OTUD7B: variants seen among roughly 807,000 people sequenced by gnomAD.
OTUD7B encodes the protein OTU domain-containing protein 7B.
Under a neutral mutation model 82.2 loss-of-function variants are expected in OTUD7B, and 34 were observed. That is an observed-to-expected ratio of 0.41 (90% CI 0.31 to 0.55). The LOEUF (loss-of-function observed/expected upper bound fraction) is 0.55. OTUD7B is among the 20% of genes least tolerant of loss of function. OTUD7B has a pLI of 0.20. For missense variants in OTUD7B, 944 were observed against 1,062.1 expected, an observed-to-expected ratio of 0.89 and a Z score of 1.55; for synonymous variants, 398 against 402.7, an observed-to-expected ratio of 0.99 and a Z score of 0.14.
upstream of OTUD7B, among the ~76,000 whole-genome samples, chr1:150,014,362 G>A (rs1331095968): frequency 5.7e-5 from 8 of 140,912 alleles, no homozygotes; most frequent in Non-Finnish European, 9.0e-5. Flanking sequence ...TTGCACCACT[G>A]CACTCCAGCC....
intron 1 of OTUD7B, among the ~76,000 whole-genome samples, chr1:149,988,092 T>C (rs1032708848): frequency 6.6e-6 from 1 of 152,164 alleles, no homozygotes; most frequent in Admixed American, 6.5e-5. Flanking sequence ...TGGAAGGAAA[T>C]GTTTACATAT....
At chr1:149,949,132 G>A (rs782335199) in intron 9 of OTUD7B, 49 bp from the exon 10 acceptor site, 1 of 1,132,672 alleles carries the variant, frequency 8.8e-7, no homozygotes. Flanking sequence ...AGAGAGAAAG[G>A]TAACTGAACA....
the OTUD7B span, chr1:150,067,042 G>C: frequency 2.0e-5 from 3 of 152,348 alleles, no homozygotes; most frequent in East Asian, 5.8e-4. Context: ...CGGGGGCGGG[G>C]CAGGGGGACG....
Position 149,943,976 on chromosome 1 carries a change from GT to G in OTUD7B, c.2412del (p.Gln804HisfsTer24). On this transcript the variant is annotated frameshift_variant, in exon 12 of 12. Transcript: ENST00000581312. LOFTEE classifies it high-confidence loss of function. ...GLPPTQTKCK[Q>X]PNCSFYGHPE... is the part of the protein sequence containing the mutation. ...GGGTGTCCATAGAAGCTGCAGTTCG[GT>G]TGTTTGCATTTGGTCTGAGTTGGGG... 1 of 1,614,210 alleles carries G rather than the reference GT, an allele frequency of 6.2e-7. No homozygotes were observed. Among genetic ancestry groups the G allele is most frequent in the Non-Finnish European group, 8.5e-7 (1 of 1,180,030 alleles).
chr1:150,017,376 T>G, the OTUD7B span, among the ~76,000 whole-genome samples: 2 of 152,220 alleles, frequency 1.3e-5, no homozygotes, highest in African/African-American at 4.8e-5. Context: ...GTTTCTAGTA[T>G]GGTCCTGACA....
the OTUD7B span, among the ~76,000 whole-genome samples, chr1:150,065,981 C>T: frequency 1.3e-5 from 2 of 152,086 alleles, no homozygotes; most frequent in African/African-American, 4.8e-5. Context: ...AAGTTATGTG[C>T]CCAAGTATAA....
chr1:149,980,472 G>C (rs1180774820), intron 1 of OTUD7B, among the ~76,000 whole-genome samples: 1 of 152,022 alleles, frequency 6.6e-6, no homozygotes, highest in Non-Finnish European at 1.5e-5. Context: ...TGTAATTCCA[G>C]CACTTTGGGA....
chr1:149,961,275 T>C (rs947855387), intron 6 of OTUD7B: 3 of 152,210 alleles, frequency 2.0e-5, no homozygotes, highest in Admixed American at 1.3e-4. Context: ...TTCCTCCAAA[T>C]AGTCTTCTAA....
At chr1:150,044,218 T>TA in the OTUD7B span, among the ~76,000 whole-genome samples, 1 of 151,394 alleles carries the variant, frequency 6.6e-6, no homozygotes, top group Non-Finnish European at 1.5e-5. Flanking sequence ...TTTTATTTTT[T>TA]ATTTTTTGAG....
chr1:150,029,499 A>G, the OTUD7B span, among the ~76,000 whole-genome samples: 1 of 152,206 alleles, frequency 6.6e-6, no homozygotes, highest in African/African-American at 2.4e-5. Context: ...TTGCTTAAGG[A>G]TGCTTTAGAT....
chr1:149,970,426 C>T (rs1047070981), intron 3 of OTUD7B, among the ~76,000 whole-genome samples: 1 of 151,536 alleles, frequency 6.6e-6, no homozygotes, highest in African/African-American at 2.4e-5. Context: ...TCAAGCAATT[C>T]TCCTGCCTCA....
the OTUD7B span, among the ~76,000 whole-genome samples, chr1:150,060,353 T>C: frequency 6.6e-6 from 1 of 151,842 alleles, no homozygotes. Flanking sequence ...CCTAATATGA[T>C]TGGTGTCCTT....
intron 1 of OTUD7B, among the ~76,000 whole-genome samples, chr1:150,007,428 C>T (rs1042591992): frequency 2.6e-5 from 4 of 152,174 alleles, no homozygotes; most frequent in Admixed American, 2.6e-4. Context: ...TACTTTGTTA[C>T]TTTAAGTCTT....
At chr1:150,023,038 A>G in the OTUD7B span, among the ~76,000 whole-genome samples, 6 of 152,214 alleles carry the variant, frequency 3.9e-5, no homozygotes, top group Non-Finnish European at 7.3e-5. Context: ...CTCACCTGGT[A>G]TATGTTCTGA....
chr1:149,962,676 A>C (rs1319631678), intron 6 of OTUD7B: 2 of 152,178 alleles, frequency 1.3e-5, no homozygotes, highest in African/African-American at 4.8e-5. Context: ...AATTGCTTTA[A>C]TAACTGGAAT....
At chr1:149,956,740 C>T (rs963664059) in intron 7 of OTUD7B, among the ~76,000 whole-genome samples, 1 of 152,204 alleles carries the variant, frequency 6.6e-6, no homozygotes, top group Non-Finnish European at 1.5e-5. Flanking sequence ...TTTCTTTTTA[C>T]TCTTTTTTCT....
chr1:150,005,925 T>C (rs781927062), intron 1 of OTUD7B, among the ~76,000 whole-genome samples: 19 of 152,164 alleles, frequency 1.2e-4, no homozygotes, highest in Non-Finnish European at 2.4e-4. Context: ...CCACATTGGA[T>C]CCATACAGAT....
At chr1:149,976,167 CT>C (rs1650292529) in intron 2 of OTUD7B, among the ~76,000 whole-genome samples, 1 of 152,182 alleles carries the variant, frequency 6.6e-6, no homozygotes, top group South Asian at 2.1e-4. Flanking sequence ...TTGCTAAGGG[CT>C]GGCAATTTAA....
chr1:150,016,924 C>G, the OTUD7B span, among the ~76,000 whole-genome samples: 2 of 152,178 alleles, frequency 1.3e-5, no homozygotes, highest in Non-Finnish European at 2.9e-5. Context: ...ACTGTCTCCC[C>G]TGTCTCTAAG....
Sources: allele counts gnomAD v4.1 joint callset (sites outside exome capture counted in the v4.1 genomes callset), GRCh38; gene constraint gnomAD v4.1.1; transcripts MANE v1.5; gene names NCBI Gene and HGNC (gene_info 2026-07-23, HGNC 2026-07-21).